Variants in NKAIN2 observed in about 807,000 individuals in gnomAD.
The protein encoded by NKAIN2 is sodium/potassium transporting ATPase interacting 2, also known as sodium/potassium-transporting ATPase subunit beta-1-interacting protein 2.
Under a neutral mutation model 32.6 loss-of-function variants are expected in NKAIN2, and 14 were observed. The observed-to-expected ratio is 0.43, with a 90% CI of 0.28 to 0.67. The LOEUF (loss-of-function observed/expected upper bound fraction) is 0.67. NKAIN2 is among the 30% of genes least tolerant of loss of function. The pLI, the probability that NKAIN2 is intolerant of heterozygous loss-of-function variation, is 0.17. For synonymous variants in NKAIN2, 80 were observed against 87.2 expected, an observed-to-expected ratio of 0.92 and a Z score of 0.46; for missense variants, 198 against 258.3, an observed-to-expected ratio of 0.77 and a Z score of 1.60.
At chr6:123,901,730 G>A (rs1354772046) in intron 1 of NKAIN2, among the ~76,000 whole-genome samples, 1 of 152,096 alleles carries the variant, frequency 6.6e-6, no homozygotes, top group Admixed American at 6.5e-5. Context: ...ATGGCTTTGA[G>A]TGGGGACTTC....
chr6:124,786,370 T>C (rs1325877661), intron 4 of NKAIN2, among the ~76,000 whole-genome samples: 2 of 152,102 alleles, frequency 1.3e-5, no homozygotes, highest in Non-Finnish European at 1.5e-5. Flanking sequence ...TGCTCCAACT[T>C]CCCAGAAACC....
intron 1 of NKAIN2, among the ~76,000 whole-genome samples, chr6:124,121,168 C>A: frequency 6.6e-6 from 1 of 152,056 alleles, no homozygotes; most frequent in East Asian, 1.9e-4. Context: ...TCACTCCTCA[C>A]CTTGCCCTGC....
At chr6:124,145,748 A>G (rs139546995) in intron 1 of NKAIN2, among the ~76,000 whole-genome samples, 3,329 of 151,252 alleles carry the variant, frequency 0.022, 101 homozygotes, top group African/African-American at 0.065. Context: ...CTCGTGATCC[A>G]CCCCCCTCAG....
intron 4 of NKAIN2, among the ~76,000 whole-genome samples, chr6:124,772,394 C>T (rs1778795856): frequency 6.6e-6 from 1 of 152,132 alleles, no homozygotes; most frequent in Non-Finnish European, 1.5e-5. Flanking sequence ...GAAGAGGACT[C>T]TGTGCTGTAC....
intron 1 of NKAIN2, among the ~76,000 whole-genome samples, chr6:123,896,596 A>C (rs1181575388): frequency 1.3e-5 from 2 of 152,210 alleles, no homozygotes; most frequent in Non-Finnish European, 2.9e-5. Context: ...TAAGTTAAGG[A>C]AATTCATTAA....
rs770843571 is a variant in NKAIN2, at chr6:124,741,901, CT to C, written c.475-49437del. ...TGTGTCCATTAATAGGGAAATGGTA[CT>C]GGTTTAACTTTATCAGTGAAGAGTA... On this transcript the variant is annotated intron_variant, in intron 4 of 6. Coordinates refer to ENST00000368417, the MANE Select transcript of NKAIN2 (RefSeq NM_001040214.3). Among the ~76,000 whole-genome samples, 4 of 151,750 alleles carry C rather than the reference CT, an allele frequency of 2.6e-5. No individual in the cohort carries two copies. In the South Asian group the frequency reaches 8.3e-4, roughly 32 times the overall value.
chr6:123,991,851 G>A (rs901998839), intron 1 of NKAIN2, among the ~76,000 whole-genome samples: 3 of 151,954 alleles, frequency 2.0e-5, no homozygotes, highest in Admixed American at 6.6e-5. Context: ...GCGACATAGC[G>A]AGACTCTGTC....
At chr6:124,421,502 G>A (rs375724414) in intron 3 of NKAIN2, among the ~76,000 whole-genome samples, 2 of 151,806 alleles carry the variant, frequency 1.3e-5, no homozygotes, top group African/African-American at 4.8e-5. Context: ...ATCAAACTTG[G>A]TTTATTACAG....
At chr6:124,324,368 A>G (rs1181150890) in intron 2 of NKAIN2, among the ~76,000 whole-genome samples, 1 of 152,040 alleles carries the variant, frequency 6.6e-6, no homozygotes, top group East Asian at 1.9e-4. Flanking sequence ...TTTTTTAGCA[A>G]TTGTAAATGT....
intron 1 of NKAIN2, among the ~76,000 whole-genome samples, chr6:123,809,746 A>G (rs187726239): frequency 1.1e-3 from 163 of 152,262 alleles, no homozygotes; most frequent in African/African-American, 3.8e-3. Flanking sequence ...TAAAACAGGC[A>G]GTGGGTCTAG....
At chr6:124,084,072 A>G (rs1335608636) in intron 1 of NKAIN2, among the ~76,000 whole-genome samples, 3 of 151,994 alleles carry the variant, frequency 2.0e-5, no homozygotes, top group Admixed American at 2.0e-4. Flanking sequence ...GGAGGTAGTG[A>G]TTTTAGATTA....
intron 2 of NKAIN2, among the ~76,000 whole-genome samples, chr6:124,293,106 C>G (rs1795892696): frequency 6.6e-6 from 1 of 152,004 alleles, no homozygotes; most frequent in Non-Finnish European, 1.5e-5. Context: ...TGTGTTATAG[C>G]TATTAGTATT....
intron 2 of NKAIN2, among the ~76,000 whole-genome samples, chr6:124,347,942 T>C (rs561865984): frequency 2.6e-5 from 4 of 152,328 alleles, no homozygotes; most frequent in African/African-American, 9.6e-5. Context: ...TTTTCTGCTC[T>C]GTTTTTTCAC....
Position 124,460,216 on chromosome 6 carries a change from G to A in NKAIN2, c.273+104869G>A, listed in dbSNP as rs559464894. 1.2e-3 allele frequency among the ~76,000 whole-genome samples: 179 copies of A among 151,538 alleles called. 1 individual carries two copies. The South Asian group carries it at 0.016, about 13-fold the overall frequency. Reference sequence around the variant, plus strand: ...CTTTGCCTCTCAGCTTTCAGATACCGTCCTTATGTTACTATTTAGTTTTCT... The same window carrying A: ...CTTTGCCTCTCAGCTTTCAGATACCATCCTTATGTTACTATTTAGTTTTCT... On this transcript the variant is annotated intron_variant, in intron 3 of 6. Transcript: ENST00000368417.
At chr6:123,929,704 T>C (rs1776168001) in intron 1 of NKAIN2, among the ~76,000 whole-genome samples, 1 of 152,098 alleles carries the variant, frequency 6.6e-6, no homozygotes, top group African/African-American at 2.4e-5. Context: ...GCAAACATCA[T>C]GTTGTAGTTC....
chr6:124,702,921 T>G (rs1774871951), intron 4 of NKAIN2, among the ~76,000 whole-genome samples: 1 of 152,096 alleles, frequency 6.6e-6, no homozygotes, highest in African/African-American at 2.4e-5. Flanking sequence ...AAAGTTAAAT[T>G]TGGCTCACTG....
rs145089228 is a variant in NKAIN2, at chr6:124,667,612, T to C, written c.474+9226T>C. 5.9e-5 allele frequency among the ~76,000 whole-genome samples: 9 copies of C among 152,236 alleles called. No individual in the cohort carries two copies. In the East Asian group the frequency reaches 1.5e-3, roughly 26 times the overall value. On this transcript the variant is annotated intron_variant, in intron 4 of 6. Transcript: ENST00000368417. ...TTCCAGTCATGATCAGTTATTATGA[T>C]ACAAATTTCTTAAAAATATATCTTT...
At chr6:123,895,016 G>A (rs536511967) in intron 1 of NKAIN2, among the ~76,000 whole-genome samples, 1 of 152,012 alleles carries the variant, frequency 6.6e-6, no homozygotes, top group Non-Finnish European at 1.5e-5. Flanking sequence ...CATTTATAGG[G>A]ATTGATGGGT....
Position 124,258,175 on chromosome 6 carries a change from G to A in NKAIN2, c.55-24830G>A, listed in dbSNP as rs1161774974. ...AAAAAAAACTGAGGTATAGACAGAGGAATTAAATTGGTCAGATTCACACAG... is the reference window on the plus strand; with the variant it reads ...AAAAAAAACTGAGGTATAGACAGAGAAATTAAATTGGTCAGATTCACACAG... On this transcript the variant is annotated intron_variant, in intron 1 of 6. Transcript: ENST00000368417. 2.0e-5 allele frequency among the ~76,000 whole-genome samples: 3 copies of A among 152,088 alleles called. 1 individual carries two copies. In the East Asian group the frequency reaches 5.8e-4, roughly 29 times the overall value.
Sources: gnomAD v4.1 joint callset for allele counts (sites outside exome capture counted in the v4.1 genomes callset) on GRCh38, gnomAD v4.1.1 for gene constraint, MANE v1.5 for transcripts, NCBI Gene and HGNC (gene_info 2026-07-23, HGNC 2026-07-21) for gene names.